SYNE1: variants seen among roughly 807,000 people sequenced by gnomAD.
SYNE1 encodes spectrin repeat containing nuclear envelope protein 1.
In SYNE1, 616 loss-of-function variants were observed where a neutral mutation model predicts 1,111.0. The observed-to-expected ratio is 0.55, with a 90% confidence interval of 0.52 to 0.59. SYNE1 has a LOEUF of 0.59. Ranked by LOEUF, SYNE1 falls within the 20% of genes least tolerant of loss-of-function variation. SYNE1 has a pLI of 0.00. For missense variants in SYNE1, 10,006 were observed against 10,417.0 expected (o/e 0.96, Z 1.72); for synonymous variants, 3,855 against 3,825.8 (o/e 1.01, Z -0.28).
At chr6:152,399,336 A>T (rs1163078367) in intron 48 of SYNE1, among the ~76,000 whole-genome samples, 2 of 152,240 alleles carry the variant, frequency 1.3e-5, no homozygotes, top group Non-Finnish European at 2.9e-5. Flanking sequence ...AATTTTCCAC[A>T]CACATGAGCT....
At chr6:152,585,789 A>C (rs748945421) in intron 3 of SYNE1, among the ~76,000 whole-genome samples, 1 of 152,226 alleles carries the variant, frequency 6.6e-6, no homozygotes, top group Non-Finnish European at 1.5e-5. Context: ...TTCATCTTTT[A>C]AAATTTAGGT....
chr6:152,382,408 T>A (rs1224995487), intron 55 of SYNE1, among the ~76,000 whole-genome samples: 2 of 152,196 alleles, frequency 1.3e-5, no homozygotes, highest in Non-Finnish European at 2.9e-5. Flanking sequence ...ATGTCTTAAC[T>A]AGTCTATATA....
At position 152,344,224 on chromosome 6, in the gene SYNE1, A is replaced by C. The variant is rs769618101; in HGVS notation, c.12082T>G (p.Tyr4028Asp). ...TGAAGTTCGTGTTCCAAACTCTGGT[A>C]CATCTGAGACAATACAATCATGCTG... ...SAICSTAQRM[Y>D]QSLEHELQKH... Residue 4028 changes from tyrosine to aspartate, a missense_variant, in exon 74 of 146, where the codon TAC (tyrosine) becomes GAC (aspartate). Physicochemically the swap from Tyr to Asp is radical, Grantham distance 160 (BLOSUM62 -3). Around this residue, in one of 7 missense-constraint regions of SYNE1, gnomAD observed 4,955 missense variants for 5,017.2 expected, o/e 0.99. Transcript: ENST00000367255. 1.2e-6 allele frequency: 2 copies of C among 1,614,218 alleles called. No individual in the cohort carries two copies. The highest frequency in any genetic ancestry group is 8.5e-7 in the Non-Finnish European group (1 of 1,180,042).
chr6:152,472,494 C>T (rs1176675914), intron 14 of SYNE1, 81 bp from the exon 15 acceptor site: 18 of 1,266,202 alleles, frequency 1.4e-5, no homozygotes, highest in African/African-American at 4.4e-5. Context: ...CAGCCCGCAC[C>T]GATGAGTCAA....
rs1348049847 is a variant in SYNE1 at position 152,354,968 on chromosome 6, C to G, written c.10617G>C (p.Gln3539His). ...ETTLRDLQELQVHCAEGQALL... is the reference protein window; with the variant it reads ...ETTLRDLQELHVHCAEGQALL... Reference sequence around the variant, plus strand: ...GGGCCTGCCCCTCTGCACAGTGTACCTGTAGCTCCTGCAGAGAAAAAGGTA... The same window carrying G: ...GGGCCTGCCCCTCTGCACAGTGTACGTGTAGCTCCTGCAGAGAAAAAGGTA... Residue 3539 changes from glutamine (Q) to histidine (H), a missense_variant, in exon 67 of 146, where the codon CAG becomes CAC. By Grantham distance (24) the Gln-to-His change is conservative (BLOSUM62 0). Coordinates refer to ENST00000367255, the MANE Select transcript of SYNE1 (RefSeq NM_182961.4). The G allele has an allele frequency of 6.2e-7, 1 of 1,613,912 alleles. No homozygotes were observed. Among genetic ancestry groups the G allele is most frequent in the Admixed American group, 1.7e-5 (1 of 60,018 alleles).
chr6:152,449,197 T>C (rs1392675556), intron 28 of SYNE1, among the ~76,000 whole-genome samples: 2 of 152,204 alleles, frequency 1.3e-5, no homozygotes, highest in Non-Finnish European at 2.9e-5. Flanking sequence ...TGAAAATGTA[T>C]TGTATAAAAG....
intron 3 of SYNE1, among the ~76,000 whole-genome samples, chr6:152,542,246 A>G (rs191769647): frequency 1.4e-4 from 21 of 152,332 alleles, no homozygotes; most frequent in African/African-American, 4.6e-4. Context: ...AATGCCTGCA[A>G]GTATGACCAA....
At chr6:152,432,591 C>T (rs921799531) in intron 34 of SYNE1, among the ~76,000 whole-genome samples, 7 of 151,532 alleles carry the variant, frequency 4.6e-5, no homozygotes, top group African/African-American at 1.7e-4. Flanking sequence ...AATGAGATGA[C>T]ATTAGATAGT....
At chr6:152,307,018 C>T (rs1430419167) in intron 91 of SYNE1, among the ~76,000 whole-genome samples, 1 of 151,354 alleles carries the variant, frequency 6.6e-6, no homozygotes, top group Non-Finnish European at 1.5e-5. Context: ...AATATCTGTA[C>T]CATGATAGAA....
intron 76 of SYNE1, among the ~76,000 whole-genome samples, chr6:152,335,123 G>C (rs2096353739): frequency 6.6e-6 from 1 of 152,158 alleles, no homozygotes; most frequent in Admixed American, 6.5e-5. Flanking sequence ...TTTCCTCCAA[G>C]GGGTTGGTTC....
intron 27 of SYNE1, among the ~76,000 whole-genome samples, chr6:152,450,342 G>A (rs1397374413): frequency 6.6e-6 from 1 of 152,112 alleles, no homozygotes; most frequent in Admixed American, 6.5e-5. Flanking sequence ...CGCAGTCTCA[G>A]GTATGTCTTT....
chr6:152,607,466 A>T (rs1583336198), intron 3 of SYNE1, among the ~76,000 whole-genome samples: 1 of 152,180 alleles, frequency 6.6e-6, no homozygotes, highest in East Asian at 1.9e-4. Flanking sequence ...ATCATTAGAG[A>T]AATGCAAATC....
intron 49 of SYNE1, 50 bp from the exon 50 acceptor site, chr6:152,397,030 T>C: frequency 6.3e-7 from 1 of 1,575,850 alleles, no homozygotes; most frequent in Non-Finnish European, 8.7e-7. Context: ...GCATTACAAT[T>C]GTGAGCTGAA....
intron 3 of SYNE1, among the ~76,000 whole-genome samples, chr6:152,621,442 C>A (rs867723892): frequency 3.9e-5 from 6 of 152,080 alleles, no homozygotes; most frequent in Non-Finnish European, 7.4e-5. Flanking sequence ...CTTTTAGAGG[C>A]CTGCCACACA....
At chr6:152,185,919 C>T (rs2153222183) in intron 128 of SYNE1, among the ~76,000 whole-genome samples, 1 of 152,282 alleles carries the variant, frequency 6.6e-6, no homozygotes, top group Admixed American at 6.5e-5. Flanking sequence ...CCATAATCTT[C>T]TTAATCTTCA....
intron 137 of SYNE1, chr6:152,144,026 T>C: frequency 8.1e-6 from 4 of 492,244 alleles, no homozygotes; most frequent in Admixed American, 3.2e-5. Flanking sequence ...AACAGCTTCG[T>C]GCACCTGACC....
chr6:152,352,088 T>C lies in SYNE1; in HGVS notation c.11519A>G (p.His3840Arg), dbSNP rs750765264. 1.2e-6 allele frequency: 2 copies of C among 1,614,244 alleles called. No individual in the cohort carries two copies. The highest frequency in any genetic ancestry group is 2.2e-5 in the East Asian group (1 of 44,884). The change falls in exon 70 of 146, where the codon CAT becomes CGT. Residue 3840 changes from histidine to arginine, a missense_variant. Physicochemically the swap from His to Arg is conservative, Grantham distance 29 (BLOSUM62 0). This residue lies in a region of SYNE1 where 4,955 missense variants were observed against 5,017.2 expected (regional missense o/e 0.99). Transcript: ENST00000367255. ...TTCCATTTTGGGTTCTTCAGGAACA[T>C]GTAGAATTTCCTGGTATTCTGCTAT... ...QWIAEYQEILHVPEEPKMELY... is the reference protein window; with the variant it reads ...QWIAEYQEILRVPEEPKMELY...
chr6:152,132,593 T>G (rs1000298992), intron 143 of SYNE1, among the ~76,000 whole-genome samples: 1 of 152,208 alleles, frequency 6.6e-6, no homozygotes, highest in Non-Finnish European at 1.5e-5. Context: ...TACATTCCAG[T>G]TGGAAACAAA....
intron 92 of SYNE1, among the ~76,000 whole-genome samples, chr6:152,301,384 C>T (rs917780947): frequency 7.9e-5 from 12 of 152,256 alleles, no homozygotes; most frequent in African/African-American, 2.9e-4. Flanking sequence ...CAAAGCCAAG[C>T]TTTAGACGGT....
Sources: allele counts gnomAD v4.1 joint callset (sites outside exome capture counted in the v4.1 genomes callset), GRCh38; gene constraint gnomAD v4.1.1; regional missense constraint gnomAD v4.1.1; transcripts MANE v1.5; gene names NCBI Gene and HGNC (gene_info 2026-07-23, HGNC 2026-07-21).